The following ELL variants were observed in gnomAD, a reference collection of about 807,000 sequenced individuals.
ELL encodes the protein elongation factor for RNA polymerase II.
In ELL, 18 loss-of-function variants were observed where a neutral mutation model predicts 64.0. The ratio of observed to expected loss-of-function variants is 0.28; its 90% confidence interval spans 0.19 to 0.42. ELL has a LOEUF of 0.42. Ranked by LOEUF, ELL falls within the 10% of genes least tolerant of loss-of-function variation. The pLI is 1.00. For synonymous variants in ELL, 399 were observed against 376.2 expected (o/e 1.06, Z -0.70); for missense variants, 797 against 870.4 (o/e 0.92, Z 1.06).
At chr19:18,508,924 C>T (rs1172117148) in intron 1 of ELL, among the ~76,000 whole-genome samples, 1 of 152,160 alleles carries the variant, frequency 6.6e-6, no homozygotes. Context: ...CCCACTCTGT[C>T]CGCGTCCTAA....
At chr19:18,490,842 C>T (rs1340863456) in intron 1 of ELL, among the ~76,000 whole-genome samples, 1 of 152,154 alleles carries the variant, frequency 6.6e-6, no homozygotes, top group African/African-American at 2.4e-5. Flanking sequence ...GCTATGGTGG[C>T]CATAAAACCC....
intron 1 of ELL, among the ~76,000 whole-genome samples, chr19:18,512,293 C>T (rs910375913): frequency 6.7e-6 from 1 of 148,890 alleles, no homozygotes; most frequent in African/African-American, 2.5e-5. Context: ...TGATTGCACT[C>T]CAGTCTGGGC....
At chr19:18,458,545 AG>A (rs1409786350) in intron 5 of ELL, among the ~76,000 whole-genome samples, 2 of 152,056 alleles carry the variant, frequency 1.3e-5, no homozygotes, top group Admixed American at 6.5e-5. Flanking sequence ...AGGGATAATG[AG>A]GGTCATGAAG....
intron 4 of ELL, among the ~76,000 whole-genome samples, chr19:18,464,170 A>C (rs1600449122): frequency 6.6e-6 from 1 of 152,036 alleles, no homozygotes; most frequent in Non-Finnish European, 1.5e-5. Flanking sequence ...GGAGTCAGAC[A>C]CCAGCCTGTG....
At chr19:18,452,744 G>C (rs556731844) in intron 6 of ELL, among the ~76,000 whole-genome samples, 2 of 152,338 alleles carry the variant, frequency 1.3e-5, no homozygotes, top group African/African-American at 4.8e-5. Flanking sequence ...CCTCCAGGCA[G>C]TTGGGAAGTT....
intron 1 of ELL, among the ~76,000 whole-genome samples, chr19:18,494,365 G>A (rs1423450160): frequency 6.6e-6 from 1 of 152,060 alleles, no homozygotes; most frequent in Non-Finnish European, 1.5e-5. Flanking sequence ...ACGTAGGAAG[G>A]AAAGGAAGAA....
chr19:18,460,303 C>T lies in ELL; in HGVS notation c.744+1275G>A, dbSNP rs544531261. 1.3e-3 allele frequency among the ~76,000 whole-genome samples: 195 copies of T among 152,324 alleles called. 1 individual carries two copies. The highest frequency in any genetic ancestry group is 2.2e-3 in the Non-Finnish European group (147 of 68,034). ...CCCACAGCTGCTTGGGGGGAAGCAG[C>T]TGCATAATGAATATAGAAGCAAGAA... On this transcript the variant is annotated intron_variant, in intron 5 of 11. Coordinates refer to ENST00000262809, the MANE Select transcript of ELL (RefSeq NM_006532.4).
intron 1 of ELL, among the ~76,000 whole-genome samples, chr19:18,490,336 T>C (rs1975501707): frequency 6.6e-6 from 1 of 151,750 alleles, no homozygotes; most frequent in Non-Finnish European, 1.5e-5. Flanking sequence ...AGAGTAAAAA[T>C]ACTCTTCTGG....
intron 1 of ELL, among the ~76,000 whole-genome samples, chr19:18,482,404 G>A (rs1403326590): frequency 3.8e-5 from 5 of 131,060 alleles, no homozygotes; most frequent in Non-Finnish European, 4.6e-5. Context: ...TGCAACCTCC[G>A]CCTCCTGGGT....
In ELL at chr19:18,443,632, G is replaced by T. The variant is rs1466708710; in HGVS notation, c.*1120C>A. 1 of 233,342 alleles carries T rather than the reference G, an allele frequency of 4.3e-6. No homozygotes were observed. Among genetic ancestry groups the T allele is most frequent in the African/African-American group, 2.2e-5 (1 of 45,326 alleles). The allele number at this position is 233,342 out of a possible 1,614,324, so 14.5% of individuals were successfully genotyped here. A position where few individuals can be genotyped will look rare whatever the true frequency, so the allele number is the denominator to read the frequency against. On this transcript the variant is annotated 3_prime_UTR_variant, in exon 12 of 12. Coordinates refer to ENST00000262809, the MANE Select transcript of ELL (RefSeq NM_006532.4). Reference sequence around the variant, plus strand: ...TGCGTGGCCCCCCGATGCTTTGGGGGACACTAGACTAGGCACAGCAACAGA... The same window carrying T: ...TGCGTGGCCCCCCGATGCTTTGGGGTACACTAGACTAGGCACAGCAACAGA...
At chr19:18,495,711 C>A (rs1420574215) in intron 1 of ELL, among the ~76,000 whole-genome samples, 1 of 152,212 alleles carries the variant, frequency 6.6e-6, no homozygotes, top group Non-Finnish European at 1.5e-5. Flanking sequence ...AGTCCCCCTG[C>A]CCCCTGTACG....
intron 1 of ELL, among the ~76,000 whole-genome samples, chr19:18,494,590 C>T (rs184802659): frequency 5.7e-4 from 87 of 152,240 alleles, no homozygotes; most frequent in African/African-American, 1.5e-3. Context: ...AGGGTTTTGC[C>T]GTGTTGGCCA....
intron 1 of ELL, among the ~76,000 whole-genome samples, chr19:18,479,635 G>A (rs1975252426): frequency 6.7e-6 from 1 of 150,326 alleles, no homozygotes; most frequent in African/African-American, 2.5e-5. Flanking sequence ...CTTGAACCCG[G>A]TAGGCGGAGG....
rs973050489 is a variant in ELL at position 18,450,840 on chromosome 19, T to G, written c.1102A>C (p.Thr368Pro). ...VPNGREALLP[T>P]PGPPASTDTL... ...TCCGTGCTGGCTGGTGGGCCCGGGG[T>G]GGGCAGCAAGGCCTCACGGCCATTG... The change falls in exon 8 of 12, where the codon ACC becomes CCC. Residue 368 changes from threonine to proline, a missense_variant. Coordinates refer to ENST00000262809, the MANE Select transcript of ELL (RefSeq NM_006532.4). 1.9e-6 allele frequency: 3 copies of G among 1,589,244 alleles called. No homozygotes were observed. In the Admixed American group the frequency reaches 5.3e-5, roughly 28 times the overall value.
chr19:18,516,748 A>T (rs1976141072), intron 1 of ELL, among the ~76,000 whole-genome samples: 1 of 152,142 alleles, frequency 6.6e-6, no homozygotes, highest in Non-Finnish European at 1.5e-5. Flanking sequence ...GAGGAAGAGA[A>T]TCTGGAACTC....
intron 1 of ELL, among the ~76,000 whole-genome samples, chr19:18,521,013 C>T (rs1009283116): frequency 3.3e-5 from 5 of 151,776 alleles, no homozygotes; most frequent in Non-Finnish European, 7.4e-5. Context: ...AGAGAACATA[C>T]ACAGCAGCCT....
chr19:18,455,153 AAAAG>A (rs1309711504), intron 6 of ELL, among the ~76,000 whole-genome samples: 4 of 150,970 alleles, frequency 2.6e-5, no homozygotes, highest in Non-Finnish European at 5.9e-5. Flanking sequence ...AAAAAAAAAA[AAAAG>A]AAAGAAAGAA....
At chr19:18,481,008 T>C (rs1160083750) in intron 1 of ELL, among the ~76,000 whole-genome samples, 1 of 152,166 alleles carries the variant, frequency 6.6e-6, no homozygotes, top group Admixed American at 6.5e-5. Flanking sequence ...AGAAATCTTG[T>C]AGACAAAAAT....
rs949340350 is a variant in ELL at position 18,444,476 on chromosome 19, G to A, written c.*276C>T. ...CCCAAGGGCCTAGGAGTCTTCTGGC[G>A]AGACAGGAGGCTGAACCCCGGAGGC... On this transcript the variant is annotated 3_prime_UTR_variant, in exon 12 of 12. Coordinates refer to ENST00000262809, the MANE Select transcript of ELL (RefSeq NM_006532.4). The A allele has an allele frequency of 1.7e-5, 7 of 415,058 alleles. No homozygotes were observed. The highest frequency in any genetic ancestry group is 6.0e-5 in the African/African-American group (3 of 49,748). 25.7% of individuals were successfully genotyped at this position (415,058 alleles called of 1,614,324 possible).
Sources: gnomAD v4.1 joint callset for allele counts (sites outside exome capture counted in the v4.1 genomes callset) on GRCh38, gnomAD v4.1.1 for gene constraint, MANE v1.5 for transcripts, NCBI Gene and HGNC (gene_info 2026-07-23, HGNC 2026-07-21) for gene names.